The following PLD5 variants were observed in gnomAD, a reference collection of about 807,000 sequenced individuals.
The protein encoded by PLD5 is phospholipase D family member 5.
A neutral mutation model predicts 61.1 loss-of-function variants in PLD5; 36 were observed. The ratio of observed to expected loss-of-function variants is 0.59; its 90% confidence interval spans 0.45 to 0.78. The LOEUF (loss-of-function observed/expected upper bound fraction) is 0.78. PLD5 is among the 30% of genes least tolerant of loss of function. PLD5 has a pLI of 0.00. For synonymous variants in PLD5, 243 were observed against 242.8 expected, an observed-to-expected ratio of 1.00 and a Z score of -0.01; for missense variants, 515 against 644.4, an observed-to-expected ratio of 0.80 and a Z score of 2.17.
intron 5 of PLD5, among the ~76,000 whole-genome samples, chr1:242,166,988 T>C (rs1471194914): frequency 1.3e-5 from 2 of 151,760 alleles, no homozygotes; most frequent in African/African-American, 2.4e-5. Context: ...CTAATTTGCC[T>C]TTATAAATTA....
chr1:242,328,831 T>C (rs1433845401), intron 2 of PLD5, among the ~76,000 whole-genome samples: 4 of 152,188 alleles, frequency 2.6e-5, no homozygotes, highest in South Asian at 2.1e-4. Context: ...GAGCCCATCA[T>C]TGGCAAGACA....
intron 5 of PLD5, among the ~76,000 whole-genome samples, chr1:242,189,679 T>G (rs555133802): frequency 3.9e-5 from 6 of 152,208 alleles, no homozygotes; most frequent in Admixed American, 2.6e-4. Flanking sequence ...CACAGACACA[T>G]GCTGAGAGGA....
intron 5 of PLD5, among the ~76,000 whole-genome samples, chr1:242,131,423 A>C (rs1030109403): frequency 3.9e-5 from 6 of 152,184 alleles, no homozygotes; most frequent in African/African-American, 1.4e-4. Flanking sequence ...ATACAATCCA[A>C]GGAGATGTTA....
intron 5 of PLD5, among the ~76,000 whole-genome samples, chr1:242,138,753 G>C (rs1402858140): frequency 1.3e-5 from 2 of 152,140 alleles, no homozygotes; most frequent in Non-Finnish European, 2.9e-5. Flanking sequence ...TCCATTGCTG[G>C]AATTACCATC....
intron 1 of PLD5, among the ~76,000 whole-genome samples, chr1:242,470,338 T>A (rs1667408058): frequency 7.1e-6 from 1 of 140,850 alleles, no homozygotes; most frequent in African/African-American, 2.7e-5. Context: ...CGACACTCGG[T>A]CTCAAAGAAA....
rs577596684 is a variant in PLD5 at position 242,439,156 on chromosome 1, C to T, written c.189+84932G>A. Among the ~76,000 whole-genome samples the T allele has an allele frequency of 5.3e-5, 8 of 152,258 alleles. No individual in the cohort carries two copies. In the South Asian group the frequency reaches 1.7e-3, roughly 32 times the overall value. ...TTAAGGTACCTCACTCACTGCTTAA[C>T]AAATAGATCAAAATGTAGAATGGCT... On this transcript the variant is annotated intron_variant, in intron 1 of 9. Transcript: ENST00000536534.
intron 3 of PLD5, among the ~76,000 whole-genome samples, chr1:242,284,151 A>AC: frequency 2.5e-5 from 1 of 39,254 alleles, no homozygotes; most frequent in Non-Finnish European, 5.5e-5. Context: ...TTTTTTTTTT[A>AC]TAGATACACA....
In PLD5 at chr1:242,097,940, G is replaced by C. The variant is rs186451113; in HGVS notation, c.1354+2728C>G. On this transcript the variant is annotated intron_variant, in intron 9 of 9. Coordinates refer to ENST00000536534, the MANE Select transcript of PLD5 (RefSeq NM_001372062.1). ...ATTTTTGTATAAGGTGTAAGGAAGG[G>C]ATCCAGTTTCAGCTTTCTACATATG... Among the ~76,000 whole-genome samples the C allele has an allele frequency of 1.5e-3, 230 of 152,226 alleles. 1 individual carries two copies. Among genetic ancestry groups the C allele is most frequent in the African/African-American group, 5.3e-3 (220 of 41,538 alleles).
intron 6 of PLD5, among the ~76,000 whole-genome samples, chr1:242,120,997 T>C (rs2148723462): frequency 6.6e-6 from 1 of 152,336 alleles, no homozygotes; most frequent in Middle Eastern, 3.4e-3. Flanking sequence ...ACTTTGAGAA[T>C]GGTTATTAAG....
rs754854388 is a variant in PLD5, at chr1:242,100,801, G to C, written c.1240-19C>G. ...AAAATTTCTGTAAGAAAAAAAAAAA[G>C]GGGGCAGGTAAATAAGAGGAACGTT... is the stretch of plus-strand genomic sequence containing the variant. On this transcript the variant is annotated intron_variant, in intron 8 of 9. Transcript: ENST00000536534. The C allele has an allele frequency of 5.8e-6, 8 of 1,372,120 alleles. No homozygotes were observed. The African/African-American group carries it at 1.2e-4, about 20-fold the overall frequency. The allele number at this position is 1,372,120 out of a possible 1,614,324, so 85.0% of individuals were successfully genotyped here.
At chr1:242,493,798 C>T (rs939585604) in intron 1 of PLD5, among the ~76,000 whole-genome samples, 8 of 152,158 alleles carry the variant, frequency 5.3e-5, no homozygotes, top group African/African-American at 1.4e-4. Flanking sequence ...GGGTCAGTCC[C>T]ACAAGCAGTG....
intron 1 of PLD5, among the ~76,000 whole-genome samples, chr1:242,357,709 A>G (rs569538898): frequency 6.7e-6 from 1 of 150,116 alleles, no homozygotes; most frequent in East Asian, 2.0e-4. Flanking sequence ...CTGGTCTCAA[A>G]CTCCTAACCT....
the PLD5 span, among the ~76,000 whole-genome samples, chr1:242,529,727 G>A: frequency 2.0e-5 from 3 of 151,826 alleles, no homozygotes; most frequent in Non-Finnish European, 2.9e-5. Context: ...CTGTGAGGTC[G>A]AGGGTCCCAA....
chr1:242,360,126 T>C (rs544907131), intron 1 of PLD5, among the ~76,000 whole-genome samples: 286 of 152,258 alleles, frequency 1.9e-3, no homozygotes, highest in African/African-American at 6.6e-3. Context: ...AAAACATACA[T>C]TGCTGGGCCC....
At chr1:242,257,534 A>G (rs1480139524) in intron 4 of PLD5, among the ~76,000 whole-genome samples, 1 of 152,212 alleles carries the variant, frequency 6.6e-6, no homozygotes, top group African/African-American at 2.4e-5. Context: ...ATCACTGGCA[A>G]TAAGGAGCGA....
At chr1:242,107,888 A>G in intron 7 of PLD5, 49 bp from the exon 8 acceptor site, 2 of 1,501,680 alleles carry the variant, frequency 1.3e-6, no homozygotes, top group South Asian at 1.3e-5. Context: ...TTAGTTTGGG[A>G]AAAGAAATTT....
intron 1 of PLD5, among the ~76,000 whole-genome samples, chr1:242,472,449 T>C (rs1407615107): frequency 2.6e-5 from 4 of 152,234 alleles, no homozygotes; most frequent in Non-Finnish European, 5.9e-5. Flanking sequence ...AGAATGATCC[T>C]ACAATGTCTG....
At chr1:242,296,069 G>GA (rs1675636710) in intron 2 of PLD5, among the ~76,000 whole-genome samples, 1 of 152,114 alleles carries the variant, frequency 6.6e-6, no homozygotes, top group African/African-American at 2.4e-5. Flanking sequence ...CTTCTGAGCA[G>GA]AAAAAAGGTT....
chr1:242,421,769 C>G (rs1481791094), intron 1 of PLD5, among the ~76,000 whole-genome samples: 10 of 152,128 alleles, frequency 6.6e-5, no homozygotes, highest in Non-Finnish European at 5.9e-5. Context: ...ATATGTACTT[C>G]TGTTGTGGAT....
Sources: allele counts gnomAD v4.1 joint callset (sites outside exome capture counted in the v4.1 genomes callset), GRCh38; gene constraint gnomAD v4.1.1; transcripts MANE v1.5; gene names NCBI Gene and HGNC (gene_info 2026-07-23, HGNC 2026-07-21).